Variants in ANKRD36C observed in about 807,000 individuals in gnomAD.
ANKRD36C encodes the protein ankyrin repeat domain 36C.
In ANKRD36C, 61 loss-of-function variants were observed where a neutral mutation model predicts 276.4. The ratio of observed to expected loss-of-function variants is 0.22; its 90% CI spans 0.18 to 0.27. ANKRD36C has a LOEUF of 0.27. Among genes scored for constraint, ANKRD36C ranks in the 10% least tolerant of loss-of-function variants. The probability of loss-of-function intolerance (pLI) is 1.00; values close to 1 mark genes in which losing one functional copy is unlikely to be tolerated. For missense variants in ANKRD36C, 1,447 were observed against 2,032.3 expected (o/e 0.71, Z 5.54); for synonymous variants, 483 against 680.1 (o/e 0.71, Z 4.51).
chr2:95,881,719 G>A (rs1251026214), intron 56 of ANKRD36C, among the ~76,000 whole-genome samples: 3 of 151,620 alleles, frequency 2.0e-5, no homozygotes, highest in Non-Finnish European at 1.5e-5. Flanking sequence ...CAGATGATCC[G>A]GTATGCAAAT....
exon 63 of ANKRD36C, chr2:95,855,451 C>A: frequency 6.2e-7 from 1 of 1,612,524 alleles, no homozygotes; most frequent in Non-Finnish European, 8.5e-7. Flanking sequence ...TGATTGTCAG[C>A]TTTGTTGCGA....
At chr2:95,865,821 G>C in intron 60 of ANKRD36C, among the ~76,000 whole-genome samples, 1 of 152,042 alleles carries the variant, frequency 6.6e-6, no homozygotes, top group Non-Finnish European at 1.5e-5. Flanking sequence ...TATAAAGAAA[G>C]TCAAATTCAG....
At chr2:95,869,528 G>T (rs12052684) in intron 59 of ANKRD36C, among the ~76,000 whole-genome samples, 3,134 of 152,314 alleles carry the variant, frequency 0.021, 162 homozygotes, top group East Asian at 0.16. Flanking sequence ...TCTTTGTCTG[G>T]CAGCCAAGAT....
intron 13 of ANKRD36C, among the ~76,000 whole-genome samples, chr2:95,955,103 TA>T (rs1299290875): frequency 2.0e-5 from 3 of 152,284 alleles, no homozygotes; most frequent in Non-Finnish European, 4.4e-5. Context: ...ACATTTGTCC[TA>T]CCCTACATGT....
At chr2:95,970,527 A>G (rs1172310500) in intron 6 of ANKRD36C, among the ~76,000 whole-genome samples, 1 of 152,184 alleles carries the variant, frequency 6.6e-6, no homozygotes, top group Non-Finnish European at 1.5e-5. Context: ...TGGAGCTACC[A>G]AGATGTGCCA....
At chr2:95,925,421 T>C (rs1677376778) in exon 30 of ANKRD36C, 6 of 1,554,562 alleles carry the variant, frequency 3.9e-6, no homozygotes, top group Non-Finnish European at 5.2e-6. Context: ...TTTTTAAATA[T>C]AACCTGAATG....
chr2:95,963,993 ATATATATATATATATATATATG>A (rs1451010991), intron 6 of ANKRD36C, among the ~76,000 whole-genome samples: 404 of 27,756 alleles, frequency 0.015, 4 homozygotes, highest in Non-Finnish European at 0.017. Context: ...ATATATATAT[ATATATATATATATATATATATG>A]TGTGTGTGTG....
intron 44 of ANKRD36C, 21 bp from the exon 61 acceptor site, chr2:95,895,611 A>G (rs1430633710): frequency 1.3e-6 from 2 of 1,562,464 alleles, no homozygotes; most frequent in South Asian, 2.3e-5. Flanking sequence ...AAAGGGATAC[A>G]TAATCACTCA....
chr2:95,925,730 G>A (rs1011211380), intron 28 of ANKRD36C, among the ~76,000 whole-genome samples, 183 bp from the exon 29 acceptor site: 3 of 151,454 alleles, frequency 2.0e-5, no homozygotes, highest in African/African-American at 4.8e-5. Context: ...AGGAATACAC[G>A]CTTCCAGAAA....
At chr2:95,916,018 A>G (rs1364935301) in exon 38 of ANKRD36C, 1 of 1,565,998 alleles carries the variant, frequency 6.4e-7, no homozygotes, top group South Asian at 1.2e-5. Flanking sequence ...TTCTCTGGTT[A>G]TATTCGAAAA....
intron 8 of ANKRD36C, among the ~76,000 whole-genome samples, chr2:95,960,868 C>T: frequency 6.6e-6 from 1 of 151,604 alleles, no homozygotes; most frequent in East Asian, 1.9e-4. Flanking sequence ...GCAACAAACA[C>T]TTCCAATTTC....
intron 59 of ANKRD36C, among the ~76,000 whole-genome samples, chr2:95,874,078 A>T (rs958541452): frequency 6.6e-6 from 1 of 152,124 alleles, no homozygotes; most frequent in African/African-American, 2.4e-5. Context: ...AGGAAGAATC[A>T]GTATGGTTAA....
At chr2:95,961,486 T>C (rs1678459221) in intron 8 of ANKRD36C, among the ~76,000 whole-genome samples, 1 of 152,052 alleles carries the variant, frequency 6.6e-6, no homozygotes, top group Non-Finnish European at 1.5e-5. Context: ...ACTTTAGGAG[T>C]CAATTAATGA....
chr2:95,971,766 A>G (rs1216962198), intron 6 of ANKRD36C, among the ~76,000 whole-genome samples: 4 of 152,148 alleles, frequency 2.6e-5, no homozygotes, highest in East Asian at 3.8e-4. Context: ...TATAATTAAA[A>G]TGAAACAAAT....
At chr2:95,858,616 A>G (rs1675483035) in intron 61 of ANKRD36C, among the ~76,000 whole-genome samples, 1 of 152,214 alleles carries the variant, frequency 6.6e-6, no homozygotes. Flanking sequence ...ACAAGTTGAT[A>G]CATTCACTAG....
intron 6 of ANKRD36C, among the ~76,000 whole-genome samples, chr2:95,972,089 T>G (rs541921620): frequency 5.3e-5 from 8 of 152,302 alleles, no homozygotes; most frequent in African/African-American, 7.2e-5. Context: ...AGAAAATAAT[T>G]CATATAACAG....
At chr2:95,887,784 G>A in intron 50 of ANKRD36C, 141 bp downstream of exon 70, 2 of 1,085,056 alleles carry the variant, frequency 1.8e-6, no homozygotes, top group Non-Finnish European at 1.3e-6. Context: ...CGTCACCCAA[G>A]AACTTATTAA....
At chr2:95,873,738 G>T (rs1335840598) in intron 59 of ANKRD36C, among the ~76,000 whole-genome samples, 1 of 152,218 alleles carries the variant, frequency 6.6e-6, no homozygotes, top group Non-Finnish European at 1.5e-5. Context: ...AAGTCAAATT[G>T]TCCCTGTTTG....
Position 95,919,817 on chromosome 2 carries a change from T to C in ANKRD36C, c.2246-1775A>G. On this transcript the variant is annotated intron_variant, in intron 34 of 66. Coordinates refer to ENST00000456556, the Ensembl canonical transcript of ANKRD36C. ...TCGTCAGTTGTAGCCTGAATGGAAT[T>C]TGAAAGAAAATAATAAATAAATAAA... is the stretch of plus-strand genomic sequence containing the variant. The C allele has an allele frequency of 6.7e-7, 1 of 1,490,508 alleles. No homozygotes were observed. Among genetic ancestry groups the C allele is most frequent in the Non-Finnish European group, 9.0e-7 (1 of 1,111,912 alleles). The allele number at this position is 1,490,508 out of a possible 1,614,324, so 92.3% of individuals were successfully genotyped here. A position where few individuals can be genotyped will look rare whatever the true frequency, so the allele number is the denominator to read the frequency against.
Sources: allele counts gnomAD v4.1 joint callset (sites outside exome capture counted in the v4.1 genomes callset), GRCh38; gene constraint gnomAD v4.1.1; transcripts MANE v1.5; gene names NCBI Gene and HGNC (gene_info 2026-07-23, HGNC 2026-07-21).